TTLL8: variants seen among roughly 807,000 people sequenced by gnomAD.
The protein encoded by TTLL8 is protein monoglycylase TTLL8.
Under a neutral mutation model 77.8 loss-of-function variants are expected in TTLL8, and 65 were observed. That is an observed-to-expected ratio of 0.84 (90% CI 0.68 to 1.03). The LOEUF is 1.03. Among genes scored for constraint, TTLL8 ranks in the 50% least tolerant of loss-of-function variants. The pLI, the probability that TTLL8 is intolerant of heterozygous loss-of-function variation, is 0.00. For synonymous variants in TTLL8, 402 were observed against 422.8 expected (o/e 0.95, Z 0.60); for missense variants, 910 against 1,004.5 (o/e 0.91, Z 1.27).
intron 4 of TTLL8, 53 bp from the exon 7 acceptor site, chr22:50,046,023 C>G: frequency 7.7e-7 from 1 of 1,302,192 alleles, no homozygotes; most frequent in Non-Finnish European, 1.0e-6. Flanking sequence ...TCAGCTCTGC[C>G]TCGCTCACAA....
rs146387606 is a variant in TTLL8 at position 50,029,813 on chromosome 22, G to A, written c.2203+617C>T. On this transcript the variant is annotated intron_variant, in intron 12 of 13. Transcript: ENST00000266182. ...CCTCGCGAGGACCCCCCACCGCGCC[G>A]TCCTGAAGACCCCCACGCGGGAGGA... Among the ~76,000 whole-genome samples, 1,073 of 152,156 alleles carry A rather than the reference G, an allele frequency of 7.1e-3. 46 individuals carry two copies. Among genetic ancestry groups the A allele is most frequent in the Admixed American group, 0.058 (885 of 15,296 alleles).
intron 2 of TTLL8, among the ~76,000 whole-genome samples, chr22:50,049,798 C>A (rs1223603910): frequency 6.6e-6 from 1 of 152,090 alleles, no homozygotes; most frequent in African/African-American, 2.4e-5. Flanking sequence ...CTTCAGGGAC[C>A]TGGGGCTGGA....
In TTLL8 at chr22:50,045,880, C is replaced by T. The variant is rs752334632; in HGVS notation, c.484G>A (p.Glu162Lys). 1.4e-5 allele frequency: 19 copies of T among 1,357,302 alleles called. No individual in the cohort carries two copies. The Middle Eastern group carries it at 6.3e-4, about 45-fold the overall frequency. The allele number at this position is 1,357,302 out of a possible 1,614,324, so 84.1% of individuals were successfully genotyped here. Residue 162 changes from glutamate to lysine, a missense_variant, in exon 5 of 14, where the codon GAG (glutamate) becomes AAG (lysine). By Grantham distance (56) the Glu-to-Lys change is moderately conservative. Transcript: ENST00000266182. ...CCCAGGAACTCCTGCTGCTCACTCT[C>T]GGTGCAGAGGCTGTAGCAGCGTGGG... is the stretch of plus-strand genomic sequence containing the variant.
Position 50,033,193 on chromosome 22 carries a change from C to A in TTLL8, c.1283+9G>T. Reference sequence around the variant, plus strand: ...GGCCCGAGGTGTCCAGGTCGCCCACCGCACTGACCTGTCCAGCTTGTCCAG... The same window carrying A: ...GGCCCGAGGTGTCCAGGTCGCCCACAGCACTGACCTGTCCAGCTTGTCCAG... On this transcript the variant is annotated intron_variant, in intron 10 of 13. Transcript: ENST00000266182. 8.2e-7 allele frequency: 1 copy of A among 1,225,760 alleles called. No individual in the cohort carries two copies. Among genetic ancestry groups the A allele is most frequent in the East Asian group, 5.2e-5 (1 of 19,086 alleles). The allele number at this position is 1,225,760 out of a possible 1,614,324, so 75.9% of individuals were successfully genotyped here. A position where few individuals can be genotyped will look rare whatever the true frequency, so the allele number is the denominator to read the frequency against.
At chr22:50,040,978 G>A (rs1395981176) in intron 8 of TTLL8, among the ~76,000 whole-genome samples, 1 of 152,178 alleles carries the variant, frequency 6.6e-6, no homozygotes, top group Non-Finnish European at 1.5e-5. Flanking sequence ...AGTGGCAAAT[G>A]GTGATGATGA....
chr22:50,039,854 AT>A (rs2061358324), intron 8 of TTLL8, among the ~76,000 whole-genome samples: 1 of 151,658 alleles, frequency 6.6e-6, no homozygotes. Context: ...GCCAGCGTGG[AT>A]GGACCTCATG....
chr22:50,030,228 G>A (rs1003421003), intron 12 of TTLL8: 6 of 982,990 alleles, frequency 6.1e-6, no homozygotes, highest in East Asian at 1.1e-4. Flanking sequence ...CCCCCACCCC[G>A]AGACCCCCGT....
At chr22:50,023,848 A>G (rs1269422998) in intron 12 of TTLL8, among the ~76,000 whole-genome samples, 4 of 152,006 alleles carry the variant, frequency 2.6e-5, no homozygotes, top group Admixed American at 2.0e-4. Flanking sequence ...GTGAAACCCC[A>G]TCTCTACTAA....
intron 1 of TTLL8, among the ~76,000 whole-genome samples, chr22:50,052,525 C>T (rs2061449808): frequency 6.6e-6 from 1 of 152,148 alleles, no homozygotes; most frequent in Non-Finnish European, 1.5e-5. Context: ...CACCTGAATA[C>T]ATCAACGGTT....
upstream of TTLL8, among the ~76,000 whole-genome samples, chr22:50,057,540 G>GAGGTCTGGGTTGGGGGTC (rs1206315065): frequency 9.3e-5 from 3 of 32,302 alleles, no homozygotes; most frequent in African/African-American, 2.9e-4. Context: ...GGTTGAGCGG[G>GAGGTCTGGGTTGGGGGTC]AGGTCTGGGT....
chr22:50,036,187 G>A (rs1018614543), intron 8 of TTLL8, among the ~76,000 whole-genome samples: 1 of 152,170 alleles, frequency 6.6e-6, no homozygotes, highest in South Asian at 2.1e-4. Flanking sequence ...GAGGACTGAC[G>A]GGCCCGAAGC....
chr22:50,045,222 G>C lies in TTLL8; in HGVS notation c.643+33C>G, dbSNP rs967192440. On this transcript the variant is annotated intron_variant, in intron 6 of 13. Coordinates refer to ENST00000266182, the Ensembl canonical transcript of TTLL8. The stretch of plus-strand genomic sequence containing the variant: ...CCCTGTGGAGGCCCCGAGCTCTGGT[G>C]GCCTGGCACTGCCCTGCCCCGGCCC... The C allele has an allele frequency of 2.2e-6, 3 of 1,340,482 alleles. No homozygotes were observed. The African/African-American group carries it at 4.5e-5, about 20-fold the overall frequency. The allele number at this position is 1,340,482 out of a possible 1,614,324, so 83.0% of individuals were successfully genotyped here.
intron 4 of TTLL8, 112 bp downstream of exon 6, chr22:50,047,056 C>T: frequency 1.6e-6 from 2 of 1,258,318 alleles, no homozygotes; most frequent in African/African-American, 1.5e-5. Flanking sequence ...TGGGATGCAC[C>T]CAGGAGGTGA....
intron 12 of TTLL8, among the ~76,000 whole-genome samples, chr22:50,028,313 G>A (rs565890271): frequency 6.6e-6 from 1 of 152,212 alleles, no homozygotes; most frequent in Non-Finnish European, 1.5e-5. Context: ...TCCTTTGGTC[G>A]GCAACATTGC....
chr22:50,024,271 G>T, intron 12 of TTLL8, among the ~76,000 whole-genome samples: 1 of 152,000 alleles, frequency 6.6e-6, no homozygotes, highest in African/African-American at 2.4e-5. Context: ...TTACTAGCTG[G>T]GATTACAGGT....
chr22:50,027,134 G>T (rs1432284059), intron 12 of TTLL8, among the ~76,000 whole-genome samples: 1 of 152,038 alleles, frequency 6.6e-6, no homozygotes, highest in Non-Finnish European at 1.5e-5. Context: ...TACTCAGGGG[G>T]CTGAGGCAGG....
At chr22:50,049,082 G>A in intron 3 of TTLL8, 167 bp downstream of exon 5, 1 of 930,948 alleles carries the variant, frequency 1.1e-6, no homozygotes, top group Non-Finnish European at 1.3e-6. Flanking sequence ...CACCCCTGGG[G>A]GCAGCCAGGC....
At chr22:50,054,152 T>C (rs2146702777) in intron 1 of TTLL8, among the ~76,000 whole-genome samples, 1 of 152,346 alleles carries the variant, frequency 6.6e-6, no homozygotes, top group African/African-American at 2.4e-5. Flanking sequence ...CTCACACTAT[T>C]GCCAGCTGGA....
upstream of TTLL8, among the ~76,000 whole-genome samples, chr22:50,057,681 G>C (rs575677193): frequency 1.4e-5 from 2 of 140,778 alleles, no homozygotes; most frequent in East Asian, 4.4e-4. Context: ...TGGGTTTTTG[G>C]GGTCAGGTCT....
Sources: allele counts gnomAD v4.1 joint callset (sites outside exome capture counted in the v4.1 genomes callset), GRCh38; gene constraint gnomAD v4.1.1; transcripts MANE v1.5; gene names NCBI Gene and HGNC (gene_info 2026-07-23, HGNC 2026-07-21).